Variants in KCNK12 observed in about 807,000 individuals in gnomAD.
The protein encoded by KCNK12 is potassium channel subfamily K member 12.
A neutral mutation model predicts 25.3 loss-of-function variants in KCNK12; 6 were observed. That is an observed-to-expected ratio of 0.24 (90% CI 0.13 to 0.47). KCNK12 has a LOEUF of 0.47. Among genes scored for constraint, KCNK12 ranks in the 20% least tolerant of loss-of-function variants. KCNK12 has a pLI of 0.99. For missense variants in KCNK12, 444 were observed against 661.7 expected, an observed-to-expected ratio of 0.67 and a Z score of 3.61; for synonymous variants, 331 against 311.1, an observed-to-expected ratio of 1.06 and a Z score of -0.67.
intron 1 of KCNK12, among the ~76,000 whole-genome samples, chr2:47,527,324 G>C (rs1438213791): frequency 6.6e-6 from 1 of 152,180 alleles, no homozygotes; most frequent in African/African-American, 2.4e-5. Flanking sequence ...ACAGGGGAGA[G>C]GGGCCATGGC....
rs1444884737 is a variant in KCNK12 at position 47,517,848 on chromosome 2, T to A, written c.*3059A>T. On this transcript the variant is annotated 3_prime_UTR_variant, in exon 2 of 2. Transcript: ENST00000327876. This position sits in a 1 kb window ranked among gnomAD's most constrained non-coding sequence, Gnocchi z 4.1. ...TGGATTCTCTGTGGCCACAGTCATA[T>A]GGTGAGGGCCTCTTGGAGTTCATTC... is the stretch of plus-strand genomic sequence containing the variant. 2 of 152,170 alleles carry A rather than the reference T, an allele frequency of 1.3e-5. No individual in the cohort carries two copies. Among genetic ancestry groups the A allele is most frequent in the African/African-American group, 4.8e-5 (2 of 41,442 alleles). 9.4% of individuals were successfully genotyped at this position (152,170 alleles called of 1,614,324 possible). A position where few individuals can be genotyped will look rare whatever the true frequency, so the allele number is the denominator to read the frequency against.
intron 1 of KCNK12, among the ~76,000 whole-genome samples, chr2:47,526,379 C>T (rs1181794118): frequency 6.9e-6 from 1 of 145,232 alleles, no homozygotes; most frequent in East Asian, 2.1e-4. Flanking sequence ...GCACTCCAGC[C>T]TGGGCAACAG....
In KCNK12 at chr2:47,513,908, T is replaced by C. The variant is rs1668463118; in HGVS notation, c.*6999A>G. 1.3e-5 allele frequency among the ~76,000 whole-genome samples: 2 copies of C among 152,232 alleles called. No homozygotes were observed. The highest frequency in any genetic ancestry group is 2.9e-5 in the Non-Finnish European group (2 of 68,038). On this transcript the variant is annotated 3_prime_UTR_variant, in exon 2 of 2. Coordinates refer to ENST00000327876, the MANE Select transcript of KCNK12 (RefSeq NM_022055.2). ...TCACTAGCACTACCTTGGTCCACCC[T>C]GCCATCTGCTTTCCTCCTCCACTCC...
chr2:47,514,485 T>C lies in KCNK12; in HGVS notation c.*6422A>G, dbSNP rs1468471070. ...TTGACCTCTCTGACCCAAGACAAAA[T>C]GGGAGGAAAGTGCCAAATTTCCAAG... On this transcript the variant is annotated 3_prime_UTR_variant, in exon 2 of 2. Transcript: ENST00000327876. The surrounding 1 kb of genome is among the most constrained non-coding windows in gnomAD (Gnocchi z 5.0). Among the ~76,000 whole-genome samples the C allele has an allele frequency of 3.3e-5, 5 of 152,174 alleles. No homozygotes were observed. The highest frequency in any genetic ancestry group is 7.3e-5 in the Non-Finnish European group (5 of 68,028).
intron 1 of KCNK12, chr2:47,564,743 G>A (rs1669757399): frequency 2.3e-5 from 4 of 171,012 alleles, no homozygotes; most frequent in Admixed American, 1.9e-4. Flanking sequence ...CTGATGCTGG[G>A]TGCTGAGGAT....
chr2:47,526,625 T>C (rs1447513600), intron 1 of KCNK12, among the ~76,000 whole-genome samples: 2 of 150,588 alleles, frequency 1.3e-5, no homozygotes, highest in African/African-American at 4.9e-5. Flanking sequence ...CCCAGCTACT[T>C]GGGAGGCTAA....
intron 1 of KCNK12, among the ~76,000 whole-genome samples, chr2:47,523,185 T>A (rs1437381233): frequency 6.6e-6 from 1 of 152,176 alleles, no homozygotes; most frequent in Non-Finnish European, 1.5e-5. Context: ...TTTGCCTTAA[T>A]TGGGATTGTT....
rs1372570394 is a variant in KCNK12 at position 47,518,651 on chromosome 2, G to C, written c.*2256C>G. The C allele has an allele frequency of 6.6e-6, 1 of 152,428 alleles. No individual in the cohort carries two copies. Among genetic ancestry groups the C allele is most frequent in the East Asian group, 1.9e-4 (1 of 5,188 alleles). The allele number at this position is 152,428 out of a possible 1,614,324, so 9.4% of individuals were successfully genotyped here. Reference sequence around the variant, plus strand: ...GGGGGATTGCCTGGAGGTTTCTTTAGACCTGTCTAGCTCACACAGTCTTGA... The same window carrying C: ...GGGGGATTGCCTGGAGGTTTCTTTACACCTGTCTAGCTCACACAGTCTTGA... On this transcript the variant is annotated 3_prime_UTR_variant, in exon 2 of 2. Transcript: ENST00000327876. The surrounding 1 kb of genome is among the most constrained non-coding windows in gnomAD (Gnocchi z 4.1).
chr2:47,539,985 GCTGTCAGC>G (rs1669162038), intron 1 of KCNK12, among the ~76,000 whole-genome samples: 1 of 152,290 alleles, frequency 6.6e-6, no homozygotes, highest in African/African-American at 2.4e-5. Context: ...CTCACTGGTG[GCTGTCAGC>G]AAGCTACTCG....
intron 1 of KCNK12, among the ~76,000 whole-genome samples, chr2:47,554,975 G>A (rs1669522751): frequency 6.6e-6 from 1 of 152,208 alleles, no homozygotes; most frequent in Non-Finnish European, 1.5e-5. Context: ...TTATATGGAT[G>A]ACATTTATTG....
intron 1 of KCNK12, among the ~76,000 whole-genome samples, chr2:47,522,868 T>C (rs1668688892): frequency 6.6e-6 from 1 of 152,186 alleles, no homozygotes. Flanking sequence ...AAAGGGCAGT[T>C]TTTAAAGAGT....
In KCNK12 at chr2:47,551,322, G is replaced by C. The variant is rs1326469760; in HGVS notation, c.391+18619C>G. Among the ~76,000 whole-genome samples the C allele has an allele frequency of 6.6e-6, 1 of 152,130 alleles. No homozygotes were observed. Among genetic ancestry groups the C allele is most frequent in the Admixed American group, 6.5e-5 (1 of 15,282 alleles). ...TTACCTCATTCCAAGCCTCCACTCA[G>C]GGGTCACATCATCCAAGAGACCCTT... On this transcript the variant is annotated intron_variant, in intron 1 of 1. Transcript: ENST00000327876. The surrounding 1 kb of genome is among the most constrained non-coding windows in gnomAD (Gnocchi z 5.3).
chr2:47,550,333 GA>G, intron 1 of KCNK12, among the ~76,000 whole-genome samples: 1 of 147,384 alleles, frequency 6.8e-6, no homozygotes, highest in East Asian at 2.0e-4. Context: ...AGCAGCCAAA[GA>G]AAGGAGGCAC....
chr2:47,539,972 C>A (rs1441916748), intron 1 of KCNK12, among the ~76,000 whole-genome samples: 8 of 152,188 alleles, frequency 5.3e-5, no homozygotes, highest in African/African-American at 1.9e-4. Flanking sequence ...CCAGCCCCCA[C>A]TACTCACTGG....
At chr2:47,549,678 G>T (rs921128315) in intron 1 of KCNK12, among the ~76,000 whole-genome samples, 2 of 152,200 alleles carry the variant, frequency 1.3e-5, no homozygotes, top group Non-Finnish European at 2.9e-5. Context: ...GCTCACGCCT[G>T]TAATCCCAGC....
At chr2:47,530,713 A>C (rs1668902119) in intron 1 of KCNK12, among the ~76,000 whole-genome samples, 1 of 152,130 alleles carries the variant, frequency 6.6e-6, no homozygotes, top group South Asian at 2.1e-4. Flanking sequence ...CAATGGCCTG[A>C]TAGTTTATTT....
intron 1 of KCNK12, among the ~76,000 whole-genome samples, chr2:47,542,279 C>A (rs934350149): frequency 6.6e-6 from 1 of 152,170 alleles, no homozygotes; most frequent in Non-Finnish European, 1.5e-5. Flanking sequence ...TGAGGATGCT[C>A]AGACGCAGGG....
chr2:47,549,110 CCAAA>C (rs144541850), intron 1 of KCNK12, among the ~76,000 whole-genome samples: 8,056 of 152,138 alleles, frequency 0.053, 677 homozygotes, highest in African/African-American at 0.18. Flanking sequence ...GAGCTGTAAA[CCAAA>C]CAATTTCCAG....
In KCNK12 at chr2:47,540,437, T is replaced by C. The variant is rs536649936; in HGVS notation, c.392-18629A>G. Among the ~76,000 whole-genome samples, 3 of 152,168 alleles carry C rather than the reference T, an allele frequency of 2.0e-5. No homozygotes were observed. The East Asian group carries it at 5.8e-4, about 29-fold the overall frequency. ...AGCAGTAAAGACCCCTCAAATGCCA[T>C]CTCTAAATTAAAATGGGTGATCAGA... On this transcript the variant is annotated intron_variant, in intron 1 of 1. Transcript: ENST00000327876. This position sits in a 1 kb window ranked among gnomAD's most constrained non-coding sequence, Gnocchi z 5.4.
Sources: gnomAD v4.1 joint callset for allele counts (sites outside exome capture counted in the v4.1 genomes callset) on GRCh38, gnomAD v4.1.1 for gene constraint, Gnocchi (gnomAD v3.1) non-coding constraint, MANE v1.5 for transcripts, NCBI Gene and HGNC (gene_info 2026-07-23, HGNC 2026-07-21) for gene names.